Variants in FBLN7 observed in about 807,000 individuals in gnomAD.
FBLN7 encodes fibulin-7.
FBLN7 carries 31 observed loss-of-function variants against 44.0 expected under a neutral mutation model. The ratio of observed to expected loss-of-function variants is 0.70; its 90% CI spans 0.53 to 0.95. FBLN7 has a LOEUF of 0.95. FBLN7 is among the 40% of genes least tolerant of loss of function. The pLI, the probability that FBLN7 is intolerant of heterozygous loss-of-function variation, is 0.00. For synonymous variants in FBLN7, 262 were observed against 253.4 expected, an observed-to-expected ratio of 1.03 and a Z score of -0.32; for missense variants, 573 against 618.5, an observed-to-expected ratio of 0.93 and a Z score of 0.78.
At chr2:112,231,894 A>G in the FBLN7 span, 2 of 1,591,018 alleles carry the variant, frequency 1.3e-6, no homozygotes, top group Admixed American at 1.7e-5. Flanking sequence ...AACTTGCAGT[A>G]TTCTCCCTGA....
At chr2:112,191,794 T>C (rs1683499901), downstream of FBLN7, among the ~76,000 whole-genome samples, 2 of 152,328 alleles carry the variant, frequency 1.3e-5, no homozygotes, top group South Asian at 4.1e-4. Context: ...TCCTTCATTT[T>C]CCTGAAATTT....
chr2:112,163,292 C>A (rs563589350), intron 2 of FBLN7, among the ~76,000 whole-genome samples: 41 of 152,360 alleles, frequency 2.7e-4, no homozygotes, highest in African/African-American at 9.1e-4. Context: ...GTCCAGGACA[C>A]CCCTGATCAG....
At chr2:112,217,647 T>C in the FBLN7 span, among the ~76,000 whole-genome samples, 1 of 152,228 alleles carries the variant, frequency 6.6e-6, no homozygotes, top group Non-Finnish European at 1.5e-5. Context: ...CATTCTTTAA[T>C]ATCACCAATG....
the FBLN7 span, among the ~76,000 whole-genome samples, chr2:112,204,835 G>A: frequency 1.2e-4 from 19 of 152,206 alleles, 1 homozygote; most frequent in South Asian, 2.5e-3. Context: ...AAGAACACTC[G>A]AGAGTAACTT....
intron 3 of FBLN7, among the ~76,000 whole-genome samples, chr2:112,172,776 G>A (rs190239043): frequency 3.9e-5 from 6 of 151,940 alleles, no homozygotes; most frequent in African/African-American, 1.4e-4. Context: ...GGAACTACAG[G>A]TGCCCACCAC....
intron 1 of FBLN7, among the ~76,000 whole-genome samples, chr2:112,146,501 A>G (rs1680904360): frequency 6.7e-6 from 1 of 149,718 alleles, no homozygotes; most frequent in Non-Finnish European, 1.5e-5. Context: ...CAGTATATAT[A>G]TATTTTTAGT....
At chr2:112,181,986 G>A in intron 5 of FBLN7, 110 bp downstream of exon 5, 8 of 1,345,386 alleles carry the variant, frequency 5.9e-6, no homozygotes, top group Non-Finnish European at 7.8e-6. Context: ...TCCTGCGCGC[G>A]GTCTCAGAAG....
the FBLN7 span, among the ~76,000 whole-genome samples, chr2:112,240,095 C>T: frequency 6.6e-6 from 1 of 152,226 alleles, no homozygotes; most frequent in Non-Finnish European, 1.5e-5. Flanking sequence ...AACTTCTTGT[C>T]TCTAGGTCTT....
downstream of FBLN7, chr2:112,189,998 C>CT (rs554899268): frequency 2.0e-5 from 3 of 152,022 alleles, no homozygotes; most frequent in Non-Finnish European, 1.5e-5. Flanking sequence ...CATTTTAAGC[C>CT]TTTTTTTAAT....
chr2:112,160,786 GCACACGCACACACGCACGCACA>G (rs1293959915), intron 2 of FBLN7, among the ~76,000 whole-genome samples: 1 of 100,662 alleles, frequency 9.9e-6, no homozygotes, highest in Non-Finnish European at 2.1e-5. Context: ...GCACACGCAC[GCACACGCACACACGCACGCACA>G]CACACGCACA....
intron 1 of FBLN7, among the ~76,000 whole-genome samples, chr2:112,140,389 TGGGGGACCCG>T (rs1680580116): frequency 6.6e-6 from 1 of 152,194 alleles, no homozygotes; most frequent in African/African-American, 2.4e-5. Flanking sequence ...GCACCAAGGC[TGGGGGACCCG>T]GGCTTGCCAC....
At chr2:112,182,740 C>A (rs1344190104) in intron 5 of FBLN7, 51 bp from the exon 6 acceptor site, 2 of 1,537,998 alleles carry the variant, frequency 1.3e-6, no homozygotes, top group East Asian at 2.4e-5. Context: ...TCACAGCTGG[C>A]AACACTTGCT....
the FBLN7 span, among the ~76,000 whole-genome samples, chr2:112,198,633 C>CA: frequency 3.0e-4 from 30 of 98,372 alleles, 1 homozygote; most frequent in African/African-American, 1.1e-3. Context: ...GAGATTGTCT[C>CA]AAAAAAAAAG....
chr2:112,226,059 G>A, the FBLN7 span, among the ~76,000 whole-genome samples: 2 of 151,760 alleles, frequency 1.3e-5, no homozygotes, highest in Admixed American at 6.6e-5. Flanking sequence ...TCCAGCCTAG[G>A]CAACAGAGCA....
intron 2 of FBLN7, among the ~76,000 whole-genome samples, chr2:112,160,720 G>A (rs201606006): frequency 0.11 from 13,757 of 130,842 alleles, 662 homozygotes; most frequent in Middle Eastern, 0.22. Context: ...ACACAAGCAC[G>A]CGCACACGCA....
chr2:112,183,153 G>A (rs557506367), intron 6 of FBLN7, among the ~76,000 whole-genome samples: 88 of 152,338 alleles, frequency 5.8e-4, no homozygotes, highest in Admixed American at 1.1e-3. Context: ...AGTCTTTTCC[G>A]ACTTTATTTG....
the FBLN7 span, among the ~76,000 whole-genome samples, chr2:112,227,755 TAACA>T: frequency 1.3e-5 from 2 of 151,958 alleles, no homozygotes; most frequent in Non-Finnish European, 2.9e-5. Context: ...ACGAATAAAT[TAACA>T]AAAAAGTGTA....
Position 112,165,148 on chromosome 2 carries a change from C to G in FBLN7, c.383C>G (p.Thr128Arg), listed in dbSNP as rs776855939. Residue 128 changes from threonine to arginine, a missense_variant, in exon 3 of 8, where the codon ACA becomes AGA. Transcript: ENST00000331203. ...SVVCLPNGTW[T>R]GEQPHCRGIS... Reference sequence around the variant, plus strand: ...GTGTGTCTTCCCAATGGCACCTGGACAGGGGAGCAGCCCCACTGTAGAGGT... The same window carrying G: ...GTGTGTCTTCCCAATGGCACCTGGAGAGGGGAGCAGCCCCACTGTAGAGGT... 1.9e-6 allele frequency: 3 copies of G among 1,614,056 alleles called. No homozygotes were observed. Among genetic ancestry groups the G allele is most frequent in the Non-Finnish European group, 2.5e-6 (3 of 1,180,018 alleles).
chr2:112,240,053 A>G, the FBLN7 span, among the ~76,000 whole-genome samples: 1 of 152,230 alleles, frequency 6.6e-6, no homozygotes, highest in Non-Finnish European at 1.5e-5. Context: ...TACACCAGAC[A>G]AGACTATCAA....
Sources: gnomAD v4.1 joint callset for allele counts (sites outside exome capture counted in the v4.1 genomes callset) on GRCh38, gnomAD v4.1.1 for gene constraint, MANE v1.5 for transcripts, NCBI Gene and HGNC (gene_info 2026-07-23, HGNC 2026-07-21) for gene names.